The following ESYT2 variants were observed in gnomAD, a reference collection of about 807,000 sequenced individuals.
The protein encoded by ESYT2 is extended synaptotagmin-2.
ESYT2 carries 54 observed loss-of-function variants against 107.2 expected under a neutral mutation model. The observed-to-expected ratio is 0.50, with a 90% confidence interval of 0.40 to 0.63. The LOEUF is 0.63. Among genes scored for constraint, ESYT2 ranks in the 30% least tolerant of loss-of-function variants. The pLI, the probability that ESYT2 is intolerant of heterozygous loss-of-function variation, is 0.00. For synonymous variants in ESYT2, 491 were observed against 434.1 expected (o/e 1.13, Z -1.63); for missense variants, 1,020 against 1,094.5 (o/e 0.93, Z 0.96).
chr7:158,815,544 C>G (rs999337980), intron 1 of ESYT2, among the ~76,000 whole-genome samples: 1 of 152,162 alleles, frequency 6.6e-6, no homozygotes, highest in Admixed American at 6.6e-5. Flanking sequence ...TTGCTAAACC[C>G]CCCTTTTAAA....
rs1173735798 is a variant in ESYT2 at position 158,823,294 on chromosome 7, C to CAAA, written c.330+5792_330+5794dup. On this transcript the variant is annotated intron_variant, in intron 1 of 22. Coordinates refer to ENST00000275418, the MANE Select transcript of ESYT2 (RefSeq NM_001367773.1). ...TGGGCGACAGAGTGAGACTCTGTCT[C>CAAA]AAAAAAAAAAAAAAAAAAAAAAAAA... Among the ~76,000 whole-genome samples the CAAA allele has an allele frequency of 5.4e-4, 16 of 29,782 alleles. 1 individual carries two copies. Among genetic ancestry groups the CAAA allele is most frequent in the African/African-American group, 9.6e-4 (10 of 10,428 alleles). The allele number at this position is 29,782 out of a possible 152,430, so 19.5% of individuals were successfully genotyped here.
At chr7:158,793,109 ATTATG>A in intron 4 of ESYT2, among the ~76,000 whole-genome samples, 1 of 152,076 alleles carries the variant, frequency 6.6e-6, no homozygotes. Flanking sequence ...TATGGTTTTT[ATTATG>A]TTGAGTTAGT....
chr7:158,817,240 C>T (rs1840171571), intron 1 of ESYT2, among the ~76,000 whole-genome samples: 3 of 152,180 alleles, frequency 2.0e-5, no homozygotes, highest in African/African-American at 4.8e-5. Context: ...ACAGAACTGA[C>T]AGAAGAACTG....
chr7:158,776,021 C>A (rs1035970851), intron 6 of ESYT2, among the ~76,000 whole-genome samples: 4 of 152,228 alleles, frequency 2.6e-5, no homozygotes, highest in Admixed American at 1.3e-4. Flanking sequence ...ACACCTGCAT[C>A]AGATCTCCTG....
At chr7:158,810,874 A>G (rs1408061342) in intron 1 of ESYT2, among the ~76,000 whole-genome samples, 1 of 152,132 alleles carries the variant, frequency 6.6e-6, no homozygotes, top group Non-Finnish European at 1.5e-5. Context: ...CAGAAGACAA[A>G]AGGATCTACT....
chr7:158,761,442 G>C, intron 11 of ESYT2, 54 bp downstream of exon 11: 1 of 1,557,540 alleles, frequency 6.4e-7, no homozygotes, highest in Non-Finnish European at 8.9e-7. Flanking sequence ...CTCTGGCACA[G>C]GGCAGGGACT....
chr7:158,745,203 C>T (rs1041574614), intron 16 of ESYT2, among the ~76,000 whole-genome samples: 5 of 141,724 alleles, frequency 3.5e-5, no homozygotes, highest in South Asian at 2.5e-4. Flanking sequence ...TCACACTCAC[C>T]TATCTAATGA....
chr7:158,807,025 A>C (rs942499928), intron 1 of ESYT2, among the ~76,000 whole-genome samples: 1 of 151,668 alleles, frequency 6.6e-6, no homozygotes. Flanking sequence ...TTATTCTAAT[A>C]TATATATATG....
At chr7:158,800,314 T>G (rs1839599263) in intron 1 of ESYT2, among the ~76,000 whole-genome samples, 1 of 152,212 alleles carries the variant, frequency 6.6e-6, no homozygotes, top group Non-Finnish European at 1.5e-5. Context: ...CCCAAAGTGC[T>G]GAGATTATAG....
At chr7:158,738,328 T>TAC (rs1390957142) in intron 19 of ESYT2, among the ~76,000 whole-genome samples, 17 of 62,926 alleles carry the variant, frequency 2.7e-4, no homozygotes, top group African/African-American at 1.3e-3. Flanking sequence ...AAAAAAAAAA[T>TAC]ACACACACAC....
intron 6 of ESYT2, among the ~76,000 whole-genome samples, chr7:158,786,558 C>T (rs1343394102): frequency 1.3e-5 from 2 of 152,044 alleles, no homozygotes; most frequent in Admixed American, 6.6e-5. Flanking sequence ...TACTTAAAAT[C>T]GATTCAAAAT....
intron 1 of ESYT2, among the ~76,000 whole-genome samples, chr7:158,813,602 T>A (rs563510189): frequency 6.6e-6 from 1 of 152,174 alleles, no homozygotes; most frequent in Non-Finnish European, 1.5e-5. Context: ...CAGACAAAAA[T>A]TGAGAAAATC....
chr7:158,773,031 T>TA (rs1838430475), intron 7 of ESYT2, among the ~76,000 whole-genome samples: 1 of 152,110 alleles, frequency 6.6e-6, no homozygotes, highest in South Asian at 2.1e-4. Flanking sequence ...TACAAAATAT[T>TA]AAAAGACCTC....
Position 158,787,966 on chromosome 7 carries a change from C to A in ESYT2, c.747+38G>T. The A allele has an allele frequency of 3.2e-6, 5 of 1,559,294 alleles. No homozygotes were observed. In the South Asian group the frequency reaches 4.5e-5, roughly 14 times the overall value. On this transcript the variant is annotated intron_variant, in intron 6 of 22. Transcript: ENST00000275418. ...TTCCACGGGTATGTATTTTTGCCACCAAATGGGAAAATAAAAATGAAATAA... is the reference window on the plus strand; with the variant it reads ...TTCCACGGGTATGTATTTTTGCCACAAAATGGGAAAATAAAAATGAAATAA...
intron 1 of ESYT2, among the ~76,000 whole-genome samples, chr7:158,804,988 G>A (rs1379668634): frequency 6.6e-6 from 1 of 152,158 alleles, no homozygotes; most frequent in Non-Finnish European, 1.5e-5. Context: ...AAAAGTATTA[G>A]GGACAGTATT....
intron 1 of ESYT2, among the ~76,000 whole-genome samples, chr7:158,810,387 G>A (rs1839960193): frequency 6.6e-6 from 1 of 152,176 alleles, no homozygotes. Flanking sequence ...TCTAGTAAGT[G>A]AAAGAAGTGG....
intron 1 of ESYT2, among the ~76,000 whole-genome samples, chr7:158,802,601 C>CA (rs1563030113): frequency 1.3e-5 from 2 of 151,654 alleles, no homozygotes; most frequent in Non-Finnish European, 2.9e-5. Flanking sequence ...CTTTTAATTA[C>CA]AAAAAAAAGT....
Position 158,829,464 on chromosome 7 carries a change from G to T in ESYT2, c.-46C>A. 8.3e-7 allele frequency: 1 copy of T among 1,206,812 alleles called. No individual in the cohort carries two copies. The highest frequency in any genetic ancestry group is 1.0e-6 in the Non-Finnish European group (1 of 973,144). 74.8% of individuals were successfully genotyped at this position (1,206,812 alleles called of 1,614,324 possible). On this transcript the variant is annotated 5_prime_UTR_variant, in exon 1 of 23. Coordinates refer to ENST00000275418, the MANE Select transcript of ESYT2 (RefSeq NM_001367773.1). The stretch of plus-strand genomic sequence containing the variant: ...CCCTCCCGGCCGAGGCGGGCTGGGT[G>T]CTCGCGCTGATCCCGGGCGGCTCAG...
chr7:158,791,451 G>T (rs1264679219), intron 4 of ESYT2, among the ~76,000 whole-genome samples: 1 of 152,214 alleles, frequency 6.6e-6, no homozygotes, highest in Non-Finnish European at 1.5e-5. Flanking sequence ...ACAGAGGCGG[G>T]ATTTCTGGAT....
Sources: gnomAD v4.1 joint callset for allele counts (sites outside exome capture counted in the v4.1 genomes callset) on GRCh38, gnomAD v4.1.1 for gene constraint, MANE v1.5 for transcripts, NCBI Gene and HGNC (gene_info 2026-07-23, HGNC 2026-07-21) for gene names.